PDE3B: variants seen among roughly 807,000 people sequenced by gnomAD.
PDE3B encodes cGMP-inhibited 3',5'-cyclic phosphodiesterase 3B.
PDE3B carries 66 observed loss-of-function variants against 116.8 expected under a neutral mutation model. The observed-to-expected ratio is 0.56, with a 90% confidence interval of 0.46 to 0.69. The LOEUF (loss-of-function observed/expected upper bound fraction) is 0.69. PDE3B is among the 30% of genes least tolerant of loss of function. The pLI, the probability that PDE3B is intolerant of heterozygous loss-of-function variation, is 0.00. For missense variants in PDE3B, 1,384 were observed against 1,368.1 expected (o/e 1.01, Z -0.18); for synonymous variants, 595 against 533.6 (o/e 1.12, Z -1.59).
intron 7 of PDE3B, among the ~76,000 whole-genome samples, chr11:14,821,913 T>C (rs1859524780): frequency 6.6e-6 from 1 of 151,760 alleles, no homozygotes; most frequent in Non-Finnish European, 1.5e-5. Context: ...GAATTTTTTT[T>C]TTTTTTTTTG....
chr11:14,794,571 C>T (rs1858491739), intron 4 of PDE3B, among the ~76,000 whole-genome samples: 1 of 152,160 alleles, frequency 6.6e-6, no homozygotes, highest in Non-Finnish European at 1.5e-5. Context: ...GCCTCGGCCT[C>T]CCAAAGTGCT....
chr11:14,883,787 T>G, the PDE3B span, among the ~76,000 whole-genome samples: 1 of 152,316 alleles, frequency 6.6e-6, no homozygotes, highest in East Asian at 1.9e-4. Context: ...CCTACTCATC[T>G]GACAAAGGGC....
In PDE3B at chr11:14,644,318, G is replaced by C. The variant is rs1178682139; in HGVS notation, c.243G>C (p.Ser81=). The change falls in exon 1 of 16, where the codon TCG becomes TCC. Residue 81 remains serine (S), a synonymous_variant. Coordinates refer to ENST00000282096, the MANE Select transcript of PDE3B (RefSeq NM_000922.4). ...RCSPFCRARL[S]LGALAAFVLA... ...CCCCCTTCTGCCGGGCGCGCCTCTC[G>C]CTGGGCGCCCTGGCTGCCTTTGTCC... 1.9e-6 allele frequency: 3 copies of C among 1,567,936 alleles called. No individual in the cohort carries two copies. The highest frequency in any genetic ancestry group is 2.6e-6 in the Non-Finnish European group (3 of 1,162,962).
intron 1 of PDE3B, among the ~76,000 whole-genome samples, chr11:14,655,422 T>C (rs1340519061): frequency 6.6e-6 from 1 of 152,240 alleles, no homozygotes; most frequent in African/African-American, 2.4e-5. Context: ...TTTATACCTT[T>C]AATTCATTCC....
At position 14,644,284 on chromosome 11, in the gene PDE3B, G is replaced by A. The variant is rs1357559725; in HGVS notation, c.209G>A (p.Arg70Gln). The A allele has an allele frequency of 3.2e-6, 5 of 1,564,832 alleles. No homozygotes were observed. The highest frequency in any genetic ancestry group is 1.4e-5 in the African/African-American group (1 of 72,492). The change falls in exon 1 of 16, where the codon CGG becomes CAG. Residue 70 changes from arginine to glutamine, a missense_variant. Physicochemically the swap from Arg to Gln is conservative, Grantham distance 43 (BLOSUM62 1). Coordinates refer to ENST00000282096, the MANE Select transcript of PDE3B (RefSeq NM_000922.4). The part of the protein sequence containing the change: ...RPPPASPQQP[R>Q]RCSPFCRARL... ...CCGCCGGCCTCTCCCCAGCAGCCGC[G>A]GCGCTGCTCCCCCTTCTGCCGGGCG...
Position 14,758,170 on chromosome 11 carries a change from A to T in PDE3B, c.979-13767A>T, listed in dbSNP as rs995374271. 4.5e-3 allele frequency among the ~76,000 whole-genome samples: 671 copies of T among 150,378 alleles called. 3 individuals carry two copies. The highest frequency in any genetic ancestry group is 0.014 in the African/African-American group (592 of 41,272). On this transcript the variant is annotated intron_variant, in intron 1 of 15. Coordinates refer to ENST00000282096, the MANE Select transcript of PDE3B (RefSeq NM_000922.4). ...TCTTTTCCATTGATCTATATCTCTG[A>T]TTTGGTACCAGTACCATGCTGTTTT...
At chr11:14,795,306 T>A (rs567498742) in intron 4 of PDE3B, among the ~76,000 whole-genome samples, 10 of 152,166 alleles carry the variant, frequency 6.6e-5, no homozygotes, top group Non-Finnish European at 1.2e-4. Flanking sequence ...GTTTAGGAGT[T>A]GTATGCTAGG....
rs373223837 is a variant in PDE3B, at chr11:14,832,801, G to A, written c.2174G>A (p.Arg725His). The A allele has an allele frequency of 1.3e-5, 20 of 1,521,946 alleles. No homozygotes were observed. The highest frequency in any genetic ancestry group is 7.0e-5 in the African/African-American group (5 of 71,690). 94.3% of individuals were successfully genotyped at this position (1,521,946 alleles called of 1,614,324 possible). A position where few individuals can be genotyped will look rare whatever the true frequency, so the allele number is the denominator to read the frequency against. ...ACTCAACAATTTATGAACTATTTTC[G>A]TGCATTAGAAAATGGCTATCGAGAC... ...IPTQQFMNYF[R>H]ALENGYRDIP... Residue 725 changes from arginine to histidine, a missense_variant, in exon 10 of 16, where the codon CGT becomes CAT. This residue lies in a region of PDE3B where 428 missense variants were observed against 561.4 expected (regional missense o/e 0.76). Coordinates refer to ENST00000282096, the MANE Select transcript of PDE3B (RefSeq NM_000922.4).
chr11:14,890,541 T>C, the PDE3B span: 1 of 409,346 alleles, frequency 2.4e-6, no homozygotes, highest in Non-Finnish European at 3.1e-6. Context: ...CCAATTCTTT[T>C]TTTTTTTTTT....
the PDE3B span, chr11:14,880,744 C>A: frequency 2.5e-6 from 4 of 1,608,226 alleles, no homozygotes; most frequent in South Asian, 1.1e-5. Context: ...AACCCATCCT[C>A]GGCCATATCT....
chr11:14,855,661 G>A (rs1025194341), intron 12 of PDE3B, among the ~76,000 whole-genome samples: 3 of 152,092 alleles, frequency 2.0e-5, no homozygotes, highest in African/African-American at 7.2e-5. Context: ...GAGAGAGAGA[G>A]AGACAGAGAC....
chr11:14,815,349 A>G (rs1302257302), intron 5 of PDE3B, among the ~76,000 whole-genome samples: 5 of 152,120 alleles, frequency 3.3e-5, no homozygotes, highest in African/African-American at 1.2e-4. Flanking sequence ...GTCTCAAAAC[A>G]AGATGTTGGC....
chr11:14,878,038 C>G, the PDE3B span: 2 of 1,447,428 alleles, frequency 1.4e-6, no homozygotes, highest in Middle Eastern at 1.8e-4. Context: ...GACTTTTATT[C>G]TAATACACAC....
chr11:14,644,201 C>T lies in PDE3B; in HGVS notation c.126C>T (p.Asp42=). The T allele has an allele frequency of 8.8e-6, 14 of 1,596,220 alleles. No homozygotes were observed. Among genetic ancestry groups the T allele is most frequent in the South Asian group, 1.1e-5 (1 of 90,160 alleles). ...VKSCVSPLRQ[D]PPRGFFFHLC... is the part of the protein sequence containing the mutation. ...GCTGCGTGAGCCCCTTGCGGCAGGA[C>T]CCTCCGCGCGGCTTCTTCTTCCACC... Residue 42 remains aspartate, a synonymous_variant, in exon 1 of 16, where the codon GAC becomes GAT. Transcript: ENST00000282096.
chr11:14,818,064 GTAAA>G, intron 5 of PDE3B, 115 bp from the exon 6 acceptor site: 4 of 666,384 alleles, frequency 6.0e-6, no homozygotes, highest in Non-Finnish European at 7.5e-6. Context: ...TAATTTATTT[GTAAA>G]TAATCTGCTT....
At chr11:14,798,429 G>A (rs1237783610) in intron 4 of PDE3B, among the ~76,000 whole-genome samples, 2 of 152,180 alleles carry the variant, frequency 1.3e-5, no homozygotes, top group African/African-American at 4.8e-5. Flanking sequence ...TTGGTATCAG[G>A]ATGATGTCGG....
At position 14,825,350 on chromosome 11, in the gene PDE3B, T is replaced by TTTTAAAAA. The variant is rs1859655042; in HGVS notation, c.1808-5347_1808-5340dup. Among the ~76,000 whole-genome samples, 5 of 152,164 alleles carry TTTTAAAAA rather than the reference T, an allele frequency of 3.3e-5. No individual in the cohort carries two copies. In the South Asian group the frequency reaches 1.0e-3, roughly 32 times the overall value. On this transcript the variant is annotated intron_variant, in intron 7 of 15. Transcript: ENST00000282096. The stretch of plus-strand genomic sequence containing the variant: ...AAAAGGCATAGAGTGGCAAACTGGA[T>TTTTAAAAA]TTTAAAAAAAGTAAGACCCAATGAT...
In PDE3B at chr11:14,771,960, A is replaced by T; in HGVS notation, c.1002A>T (p.Leu334Phe). The T allele has an allele frequency of 7.3e-7, 1 of 1,365,356 alleles. No homozygotes were observed. The highest frequency in any genetic ancestry group is 9.9e-7 in the Non-Finnish European group (1 of 1,011,854). The allele number at this position is 1,365,356 out of a possible 1,614,324, so 84.6% of individuals were successfully genotyped here. ...REQMILWDWD[L>F]KQWYKPHYQN... ...AGATGATTCTTTGGGATTGGGACTT[A>T]AAACAATGGTATAAGCCTCATTATC... The change falls in exon 2 of 16, where the codon TTA becomes TTT. Residue 334 changes from leucine (L) to phenylalanine (F), a missense_variant. This residue lies in a region of PDE3B where 956 missense variants were observed against 806.8 expected (regional missense o/e 1.18). Coordinates refer to ENST00000282096, the MANE Select transcript of PDE3B (RefSeq NM_000922.4).
At chr11:14,734,029 A>G (rs1377056310) in intron 1 of PDE3B, among the ~76,000 whole-genome samples, 3 of 152,206 alleles carry the variant, frequency 2.0e-5, no homozygotes, top group African/African-American at 4.8e-5. Context: ...TGAGTCAAAC[A>G]TATTGTTTCT....
Sources: gnomAD v4.1 joint callset for allele counts (sites outside exome capture counted in the v4.1 genomes callset) on GRCh38, gnomAD v4.1.1 for gene constraint, gnomAD v4.1.1 regional missense constraint, MANE v1.5 for transcripts, NCBI Gene and HGNC (gene_info 2026-07-23, HGNC 2026-07-21) for gene names.